Variants in SLC44A1 observed in about 807,000 individuals in gnomAD.
The protein encoded by SLC44A1 is choline transporter-like protein 1.
Under a neutral mutation model 79.3 loss-of-function variants are expected in SLC44A1, and 26 were observed. The ratio of observed to expected loss-of-function variants is 0.33; its 90% confidence interval spans 0.24 to 0.46. The LOEUF is 0.46. SLC44A1 is among the 20% of genes least tolerant of loss of function. SLC44A1 has a pLI of 1.00. For missense variants in SLC44A1, 688 were observed against 798.1 expected, an observed-to-expected ratio of 0.86 and a Z score of 1.66; for synonymous variants, 263 against 286.2, an observed-to-expected ratio of 0.92 and a Z score of 0.82.
chr9:105,351,562 A>G (rs7041229), intron 5 of SLC44A1, among the ~76,000 whole-genome samples: 2,227 of 115,316 alleles, frequency 0.019, 32 homozygotes, highest in Middle Eastern at 0.052. Context: ...GAAAGAGAGA[A>G]AGAGAGAAAG....
chr9:105,382,669 A>G (rs1015438472), intron 13 of SLC44A1, among the ~76,000 whole-genome samples: 1 of 152,220 alleles, frequency 6.6e-6, no homozygotes, highest in East Asian at 1.9e-4. Context: ...TTCTATGTAT[A>G]TTAATGAAAA....
chr9:105,259,450 C>G (rs1279271538), intron 1 of SLC44A1, among the ~76,000 whole-genome samples: 1 of 152,180 alleles, frequency 6.6e-6, no homozygotes, highest in Non-Finnish European at 1.5e-5. Context: ...AAAGTTGACT[C>G]TGGAGCACAA....
intron 1 of SLC44A1, among the ~76,000 whole-genome samples, chr9:105,284,274 C>T (rs1004613021): frequency 1.3e-4 from 19 of 148,776 alleles, no homozygotes; most frequent in Non-Finnish European, 2.1e-4. Flanking sequence ...CTTTGTTGCC[C>T]AGGCTGGTCT....
chr9:105,363,254 C>T (rs1463002420), intron 9 of SLC44A1, among the ~76,000 whole-genome samples: 1 of 152,094 alleles, frequency 6.6e-6, no homozygotes, highest in African/African-American at 2.4e-5. Flanking sequence ...CCTCCGCCTC[C>T]CGGGTTCAAG....
At chr9:105,371,611 C>T (rs1020910922) in intron 12 of SLC44A1, among the ~76,000 whole-genome samples, 7 of 148,082 alleles carry the variant, frequency 4.7e-5, no homozygotes, top group South Asian at 2.2e-4. Context: ...CCCAGCTACT[C>T]GGGAGGCTGA....
At position 105,299,243 on chromosome 9, in the gene SLC44A1, G is replaced by T; in HGVS notation, c.60G>T (p.Pro20=). Residue 20 remains proline, a synonymous_variant, in exon 2 of 16, where the codon CCG becomes CCT. Coordinates refer to ENST00000374720, the MANE Select transcript of SLC44A1 (RefSeq NM_080546.5). ...AAQSSKREWK[P]LEDRSCTDIP... ...AGAGCTCCAAACGAGAATGGAAGCC[G>T]CTGGAGGACCGTAGCTGCACAGACA... 3 of 1,590,324 alleles carry T rather than the reference G, an allele frequency of 1.9e-6. No individual in the cohort carries two copies. Among genetic ancestry groups the T allele is most frequent in the South Asian group, 1.2e-5 (1 of 86,472 alleles).
intron 9 of SLC44A1, among the ~76,000 whole-genome samples, chr9:105,364,024 C>G (rs6479313): frequency 0.21 from 32,380 of 152,140 alleles, 5,492 homozygotes; most frequent in African/African-American, 0.47. Context: ...AGAGCTCCAA[C>G]TGATGATATA....
Position 105,391,256 on chromosome 9 carries a change from CTA to C in SLC44A1, c.*2202_*2203del. ...CTGTTCCATATGCTCGCAATCTCAG[CTA>C]TTTGGAAGCTACCAGGAATGCTTTC... On this transcript the variant is annotated 3_prime_UTR_variant, in exon 16 of 16. Coordinates refer to ENST00000374720, the MANE Select transcript of SLC44A1 (RefSeq NM_080546.5). The C allele has an allele frequency of 1.0e-6, 1 of 985,698 alleles. No homozygotes were observed. Among genetic ancestry groups the C allele is most frequent in the Non-Finnish European group, 1.2e-6 (1 of 829,824 alleles). The allele number at this position is 985,698 out of a possible 1,614,324, so 61.1% of individuals were successfully genotyped here.
At chr9:105,400,125 G>T (rs1828937247), downstream of SLC44A1, among the ~76,000 whole-genome samples, 1 of 151,956 alleles carries the variant, frequency 6.6e-6, no homozygotes, top group Admixed American at 6.6e-5. Flanking sequence ...AACCCGGGAG[G>T]CATACGTTGC....
chr9:105,268,657 C>T (rs144327485), intron 1 of SLC44A1, among the ~76,000 whole-genome samples: 166 of 152,186 alleles, frequency 1.1e-3, no homozygotes, highest in African/African-American at 3.6e-3. Flanking sequence ...AGCACCACCA[C>T]GCCCAGCTAA....
At chr9:105,363,161 C>T (rs1390257472) in intron 9 of SLC44A1, among the ~76,000 whole-genome samples, 154 bp downstream of exon 9, 1 of 149,810 alleles carries the variant, frequency 6.7e-6, no homozygotes, top group Non-Finnish European at 1.5e-5. Context: ...CAACCTACTT[C>T]ATATTCGTCT....
intron 1 of SLC44A1, among the ~76,000 whole-genome samples, chr9:105,298,035 A>AG (rs1830775511): frequency 6.6e-6 from 1 of 151,968 alleles, no homozygotes; most frequent in African/African-American, 2.4e-5. Context: ...TAGAAAGCTC[A>AG]GGGGGGTTAT....
Position 105,392,399 on chromosome 9 carries a change from CT to C in SLC44A1, c.*3344del. 2.5e-6 allele frequency: 2 copies of C among 810,104 alleles called. No individual in the cohort carries two copies. Among genetic ancestry groups the C allele is most frequent in the Non-Finnish European group, 2.9e-6 (2 of 701,606 alleles). 50.2% of individuals were successfully genotyped at this position (810,104 alleles called of 1,614,324 possible). ...TTTTGTAGAGATGCTCTCTCTCTCT[CT>C]CTCTTTTTTTTTTTTTTTTTTTTTT... is the stretch of plus-strand genomic sequence containing the variant. On this transcript the variant is annotated 3_prime_UTR_variant, in exon 16 of 16. Coordinates refer to ENST00000374720, the MANE Select transcript of SLC44A1 (RefSeq NM_080546.5).
chr9:105,295,922 T>A (rs1271566506), intron 1 of SLC44A1, among the ~76,000 whole-genome samples: 3 of 152,226 alleles, frequency 2.0e-5, no homozygotes, highest in African/African-American at 7.2e-5. Flanking sequence ...GAGTCTAATG[T>A]CTGATTAATA....
intron 15 of SLC44A1, chr9:105,386,573 T>A (rs1023222128): frequency 1.8e-5 from 5 of 274,394 alleles, no homozygotes; most frequent in African/African-American, 6.9e-5. Flanking sequence ...AACATGAGAT[T>A]TTTTGCCTTT....
intron 1 of SLC44A1, among the ~76,000 whole-genome samples, chr9:105,267,092 G>A (rs1435124828): frequency 6.6e-6 from 1 of 152,144 alleles, no homozygotes; most frequent in Non-Finnish European, 1.5e-5. Context: ...CATGAGGGAA[G>A]TTTGTTGACA....
chr9:105,325,482 C>T (rs936230265), intron 3 of SLC44A1, among the ~76,000 whole-genome samples: 1 of 152,216 alleles, frequency 6.6e-6, no homozygotes, highest in Non-Finnish European at 1.5e-5. Flanking sequence ...GGAGGTTCTA[C>T]ATCTCATGAG....
At chr9:105,302,410 G>A (rs1830903536) in intron 2 of SLC44A1, among the ~76,000 whole-genome samples, 1 of 151,514 alleles carries the variant, frequency 6.6e-6, no homozygotes, top group Non-Finnish European at 1.5e-5. Context: ...CTAGAGTGCA[G>A]GGTGCGATCT....
intron 14 of SLC44A1, among the ~76,000 whole-genome samples, chr9:105,384,646 AT>A (rs924650024): frequency 2.7e-4 from 41 of 152,290 alleles, no homozygotes; most frequent in African/African-American, 9.1e-4. Flanking sequence ...GATCATGATT[AT>A]TGTATCTCTT....
Sources: allele counts gnomAD v4.1 joint callset (sites outside exome capture counted in the v4.1 genomes callset), GRCh38; gene constraint gnomAD v4.1.1; transcripts MANE v1.5; gene names NCBI Gene and HGNC (gene_info 2026-07-23, HGNC 2026-07-21).